DOCK3: variants seen among roughly 807,000 people sequenced by gnomAD.
The protein encoded by DOCK3 is dedicator of cytokinesis protein 3.
In DOCK3, 60 loss-of-function variants were observed where a neutral mutation model predicts 265.6. The ratio of observed to expected loss-of-function variants is 0.23; its 90% CI spans 0.18 to 0.28. The LOEUF is 0.28. DOCK3 is among the 10% of genes least tolerant of loss of function. The pLI is 1.00. For missense variants in DOCK3, 1,981 were observed against 2,594.3 expected, an observed-to-expected ratio of 0.76 and a Z score of 5.14; for synonymous variants, 881 against 938.0, an observed-to-expected ratio of 0.94 and a Z score of 1.11.
At chr3:51,235,223 T>C (rs1220444903) in intron 19 of DOCK3, among the ~76,000 whole-genome samples, 1 of 152,240 alleles carries the variant, frequency 6.6e-6, no homozygotes, top group East Asian at 1.9e-4. Context: ...ATTTTTTAAC[T>C]CTTCAAAGCA....
intron 1 of DOCK3, among the ~76,000 whole-genome samples, chr3:50,681,146 A>T (rs568064988): frequency 6.6e-6 from 1 of 152,172 alleles, no homozygotes; most frequent in East Asian, 1.9e-4. Flanking sequence ...TAGACTTCAG[A>T]TTTCTAGTTC....
At chr3:50,843,931 A>C (rs1362707117) in intron 3 of DOCK3, among the ~76,000 whole-genome samples, 1 of 152,230 alleles carries the variant, frequency 6.6e-6, no homozygotes, top group Non-Finnish European at 1.5e-5. Flanking sequence ...CCACATCCTT[A>C]AAATGATACA....
chr3:51,184,171 C>A lies in DOCK3; in HGVS notation c.1037+23469C>A. On this transcript the variant is annotated intron_variant, in intron 12 of 52. Coordinates refer to ENST00000266037, the MANE Select transcript of DOCK3 (RefSeq NM_004947.5). ...CTAAAAATAACAAAAATTAGCCGGC[C>A]AAGGTGGCAGGTGCCTGTAATCCCA... 1.3e-5 allele frequency among the ~76,000 whole-genome samples: 2 copies of A among 151,910 alleles called. 1 individual carries two copies.
chr3:50,900,208 G>A (rs555614592), intron 4 of DOCK3, among the ~76,000 whole-genome samples: 8 of 151,918 alleles, frequency 5.3e-5, no homozygotes, highest in South Asian at 4.2e-4. Flanking sequence ...TTGTCTTCTC[G>A]CTTTATTTCA....
At chr3:51,044,228 C>T (rs551612925) in intron 5 of DOCK3, among the ~76,000 whole-genome samples, 8 of 152,128 alleles carry the variant, frequency 5.3e-5, no homozygotes, top group African/African-American at 9.6e-5. Flanking sequence ...GCATATATAC[C>T]GTGGAATACT....
At chr3:50,726,619 T>C (rs930834254) in intron 1 of DOCK3, among the ~76,000 whole-genome samples, 5 of 152,210 alleles carry the variant, frequency 3.3e-5, no homozygotes, top group African/African-American at 1.2e-4. Context: ...ATTTTTTTTC[T>C]GTTTTGACTC....
At chr3:51,124,953 A>G (rs2106815541) in intron 9 of DOCK3, among the ~76,000 whole-genome samples, 1 of 137,064 alleles carries the variant, frequency 7.3e-6, no homozygotes, top group South Asian at 2.5e-4. Context: ...AACATGGTGA[A>G]ACCCTGTCTC....
intron 14 of DOCK3, among the ~76,000 whole-genome samples, chr3:51,215,793 G>A (rs1340506100): frequency 2.6e-5 from 4 of 152,142 alleles, no homozygotes; most frequent in Non-Finnish European, 5.9e-5. Context: ...TTTTGGATGG[G>A]AAATGTAGGC....
At chr3:50,869,245 A>C (rs1264583572) in intron 3 of DOCK3, among the ~76,000 whole-genome samples, 2 of 149,234 alleles carry the variant, frequency 1.3e-5, no homozygotes, top group Non-Finnish European at 3.0e-5. Context: ...AAGTATTGGG[A>C]TTACAGGCGT....
At chr3:51,195,281 C>CT (rs1276275977) in intron 12 of DOCK3, among the ~76,000 whole-genome samples, 4 of 152,050 alleles carry the variant, frequency 2.6e-5, no homozygotes, top group African/African-American at 4.8e-5. Flanking sequence ...TGTTTTCTGA[C>CT]TTTTTTATAT....
At chr3:50,779,238 A>AT (rs1260104937) in intron 2 of DOCK3, among the ~76,000 whole-genome samples, 2 of 151,800 alleles carry the variant, frequency 1.3e-5, no homozygotes, top group Non-Finnish European at 2.9e-5. Flanking sequence ...CCTCTTACTT[A>AT]TTTTTTATGA....
rs560297538 is a variant in DOCK3, at chr3:51,266,232, T to C, written c.2356-4583T>C. Among the ~76,000 whole-genome samples the C allele has an allele frequency of 1.5e-4, 23 of 152,064 alleles. No individual in the cohort carries two copies. The East Asian group carries it at 4.1e-3, about 27-fold the overall frequency. On this transcript the variant is annotated intron_variant, in intron 23 of 52. Coordinates refer to ENST00000266037, the MANE Select transcript of DOCK3 (RefSeq NM_004947.5). Reference sequence around the variant, plus strand: ...TGCTCATGGATAGGAAGAATCAATATCGTGAAAATGGCCATACTGCCCAAA... The same window carrying C: ...TGCTCATGGATAGGAAGAATCAATACCGTGAAAATGGCCATACTGCCCAAA...
chr3:51,117,930 T>C (rs2083814371), intron 9 of DOCK3, among the ~76,000 whole-genome samples: 1 of 152,220 alleles, frequency 6.6e-6, no homozygotes, highest in Non-Finnish European at 1.5e-5. Context: ...ATTGATTTTT[T>C]GAAGAGAATT....
intron 5 of DOCK3, among the ~76,000 whole-genome samples, chr3:50,994,660 G>C (rs925748065): frequency 6.6e-6 from 1 of 152,218 alleles, no homozygotes; most frequent in African/African-American, 2.4e-5. Context: ...TCTGTAAACA[G>C]TTGGCAGTAT....
chr3:51,090,381 T>G lies in DOCK3; in HGVS notation c.743T>G (p.Ile248Ser), dbSNP rs2082594249. The G allele has an allele frequency of 1.2e-6, 2 of 1,603,838 alleles. No homozygotes were observed. The highest frequency in any genetic ancestry group is 2.7e-5 in the African/African-American group (2 of 74,726). Residue 248 changes from isoleucine (I) to serine (S), a missense_variant, in exon 9 of 53, where the codon ATC becomes AGC. Ile to Ser is a moderately radical substitution (Grantham distance 142). Coordinates refer to ENST00000266037, the MANE Select transcript of DOCK3 (RefSeq NM_004947.5). ...SLYDMREGKQ[I>S]SERFLVRLNK... ...TATGACATGAGGGAAGGCAAGCAGA[T>G]CAGGTGAGAGTCACTGGAAATTCTG...
intron 35 of DOCK3, among the ~76,000 whole-genome samples, chr3:51,335,991 CAA>C (rs560859648): frequency 5.2e-4 from 30 of 57,966 alleles, no homozygotes; most frequent in Admixed American, 5.9e-4. Flanking sequence ...GACCCTGTCT[CAA>C]AAAAAAAAAA....
chr3:51,265,735 G>A (rs1263707709), intron 23 of DOCK3, among the ~76,000 whole-genome samples: 1 of 152,096 alleles, frequency 6.6e-6, no homozygotes, highest in Non-Finnish European at 1.5e-5. Context: ...CAAACCCACA[G>A]CCAATATACT....
intron 5 of DOCK3, among the ~76,000 whole-genome samples, chr3:50,953,838 G>T (rs977469853): frequency 1.3e-5 from 2 of 151,988 alleles, no homozygotes; most frequent in African/African-American, 2.4e-5. Context: ...AAGCTTTCAC[G>T]TGCACTCTTC....
chr3:51,295,137 A>G (rs2082008914), intron 27 of DOCK3, among the ~76,000 whole-genome samples: 1 of 152,256 alleles, frequency 6.6e-6, no homozygotes, highest in Non-Finnish European at 1.5e-5. Context: ...TGTTTCTATA[A>G]AGGAATACCT....
Sources: gnomAD v4.1 joint callset for allele counts (sites outside exome capture counted in the v4.1 genomes callset) on GRCh38, gnomAD v4.1.1 for gene constraint, MANE v1.5 for transcripts, NCBI Gene and HGNC (gene_info 2026-07-23, HGNC 2026-07-21) for gene names.